The following PTPRD variants were observed in gnomAD, a reference collection of about 807,000 sequenced individuals.
The protein encoded by PTPRD is receptor-type tyrosine-protein phosphatase delta.
In PTPRD, 34 loss-of-function variants were observed where a neutral mutation model predicts 214.5. That is an observed-to-expected ratio of 0.16 (90% CI 0.12 to 0.21). The LOEUF is 0.21. Ranked by LOEUF, PTPRD falls within the 10% of genes least tolerant of loss-of-function variation. PTPRD has a pLI of 1.00. For synonymous variants in PTPRD, 1,128 were observed against 845.7 expected (o/e 1.33, Z -5.79); for missense variants, 2,545 against 2,398.7 (o/e 1.06, Z -1.27).
intron 4 of PTPRD, among the ~76,000 whole-genome samples, chr9:9,943,222 A>C (rs925746000): frequency 3.3e-5 from 5 of 152,184 alleles, no homozygotes; most frequent in African/African-American, 1.2e-4. Context: ...GGCAGGATTC[A>C]TCTCCTTCCT....
At chr9:9,229,324 T>C (rs748538413) in intron 9 of PTPRD, among the ~76,000 whole-genome samples, 29 of 152,006 alleles carry the variant, frequency 1.9e-4, no homozygotes, top group African/African-American at 6.5e-4. Flanking sequence ...AAAAAAATTA[T>C]TGGAAGGCTA....
intron 2 of PTPRD, among the ~76,000 whole-genome samples, chr9:10,483,289 T>C (rs1451415326): frequency 6.6e-6 from 1 of 152,054 alleles, no homozygotes; most frequent in Non-Finnish European, 1.5e-5. Flanking sequence ...GAACTCAAGA[T>C]GGATTAAAGA....
chr9:9,003,574 A>T (rs1452185650), intron 11 of PTPRD, among the ~76,000 whole-genome samples: 1 of 152,030 alleles, frequency 6.6e-6, no homozygotes, highest in African/African-American at 2.4e-5. Context: ...TGGATGTCCT[A>T]ATTTAATGCC....
At chr9:8,410,558 T>C (rs906996614) in intron 35 of PTPRD, among the ~76,000 whole-genome samples, 3 of 152,122 alleles carry the variant, frequency 2.0e-5, no homozygotes, top group Non-Finnish European at 4.4e-5. Flanking sequence ...AGGATTGAAA[T>C]AAAGATTTTT....
chr9:9,820,024 G>A (rs2050171378), intron 5 of PTPRD, among the ~76,000 whole-genome samples: 4 of 152,120 alleles, frequency 2.6e-5, no homozygotes. Flanking sequence ...TTGCTGGGTT[G>A]TATGATAGTC....
rs34460264 is a variant in PTPRD, at chr9:10,040,342, A to C, written c.-544-6552T>G. On this transcript the variant is annotated intron_variant, in intron 3 of 45. Transcript: ENST00000381196. ...TGGATAGCCATCCAGCACATTCAAC[A>C]ATCGGTCGAAACATTTTAGATACAC... 8.6e-3 allele frequency among the ~76,000 whole-genome samples: 1,310 copies of C among 152,130 alleles called. 10 individuals are homozygous for C. Among genetic ancestry groups the C allele is most frequent in the Non-Finnish European group, 0.013 (915 of 67,944 alleles).
At chr9:8,666,856 C>T (rs775362101) in intron 12 of PTPRD, among the ~76,000 whole-genome samples, 1 of 152,184 alleles carries the variant, frequency 6.6e-6, no homozygotes, top group Non-Finnish European at 1.5e-5. Context: ...CCATGACCTC[C>T]GCCTTCTCAA....
chr9:10,557,197 G>A (rs2062806285), intron 2 of PTPRD, among the ~76,000 whole-genome samples: 2 of 152,024 alleles, frequency 1.3e-5, no homozygotes, highest in South Asian at 4.1e-4. Flanking sequence ...GGGATGGAAA[G>A]AATTTCATAG....
At chr9:9,814,275 A>G (rs1389115540) in intron 5 of PTPRD, among the ~76,000 whole-genome samples, 2 of 150,718 alleles carry the variant, frequency 1.3e-5, no homozygotes, top group African/African-American at 4.9e-5. Flanking sequence ...ATTCGATGTA[A>G]TAACGTCCTA....
chr9:10,356,112 CT>C (rs140469487), intron 2 of PTPRD, among the ~76,000 whole-genome samples: 332 of 142,564 alleles, frequency 2.3e-3, no homozygotes, highest in African/African-American at 7.0e-3. Context: ...AGAAAATTGC[CT>C]TTTTTTTTTT....
At position 10,322,564 on chromosome 9, in the gene PTPRD, A is replaced by T. The variant is rs1597088475; in HGVS notation, c.-545+18399T>A. On this transcript the variant is annotated intron_variant, in intron 3 of 45. Transcript: ENST00000381196. ...AATGCCAAATCAATTTTCTCCCTCA[A>T]ACCTTAATATATAAGTTTGCTATTA... Among the ~76,000 whole-genome samples the T allele has an allele frequency of 2.0e-5, 3 of 152,040 alleles. No homozygotes were observed. In the East Asian group the frequency reaches 5.8e-4, roughly 30 times the overall value.
intron 4 of PTPRD, among the ~76,000 whole-genome samples, chr9:9,947,141 C>A (rs1171436962): frequency 6.7e-6 from 1 of 148,202 alleles, no homozygotes; most frequent in Non-Finnish European, 1.5e-5. Flanking sequence ...TCATGTATTC[C>A]TATATGTACA....
intron 8 of PTPRD, among the ~76,000 whole-genome samples, chr9:9,521,741 A>T (rs2096977839): frequency 6.6e-6 from 1 of 152,168 alleles, no homozygotes; most frequent in Non-Finnish European, 1.5e-5. Flanking sequence ...TAACAAAGTA[A>T]ATATATATTA....
chr9:8,540,263 T>A (rs527528912), intron 14 of PTPRD, among the ~76,000 whole-genome samples: 2 of 152,132 alleles, frequency 1.3e-5, no homozygotes, highest in African/African-American at 4.8e-5. Context: ...GCTTTCCCAA[T>A]TGTGACAAAC....
At chr9:8,677,247 T>G (rs907745302) in intron 12 of PTPRD, among the ~76,000 whole-genome samples, 1 of 152,066 alleles carries the variant, frequency 6.6e-6, no homozygotes. Context: ...TTATTCACAA[T>G]AGCAAAGACA....
chr9:9,129,329 G>T (rs1293534597), intron 10 of PTPRD, among the ~76,000 whole-genome samples: 1 of 152,200 alleles, frequency 6.6e-6, no homozygotes, highest in African/African-American at 2.4e-5. Flanking sequence ...GGCAGAGGTT[G>T]CAGTGAGCCA....
At chr9:9,445,873 G>A (rs1027121972) in intron 8 of PTPRD, among the ~76,000 whole-genome samples, 2 of 152,102 alleles carry the variant, frequency 1.3e-5, no homozygotes, top group African/African-American at 4.8e-5. Context: ...TTGGGTGTCA[G>A]GAACTCTTGT....
intron 9 of PTPRD, among the ~76,000 whole-genome samples, chr9:9,379,628 G>A (rs1431700650): frequency 6.6e-6 from 1 of 152,024 alleles, no homozygotes; most frequent in Non-Finnish European, 1.5e-5. Flanking sequence ...AAGTTGGGAA[G>A]AACTGACATC....
chr9:8,455,874 AG>A (rs761861624), intron 33 of PTPRD, among the ~76,000 whole-genome samples: 1 of 152,222 alleles, frequency 6.6e-6, no homozygotes, highest in African/African-American at 2.4e-5. Flanking sequence ...ATGTATTAAA[AG>A]GCTGTTTTGA....
Sources: gnomAD v4.1 joint callset for allele counts (sites outside exome capture counted in the v4.1 genomes callset) on GRCh38, gnomAD v4.1.1 for gene constraint, MANE v1.5 for transcripts, NCBI Gene and HGNC (gene_info 2026-07-23, HGNC 2026-07-21) for gene names.